The following PSD3 variants were observed in gnomAD, a reference collection of about 807,000 sequenced individuals.
PSD3 encodes the protein PH and SEC7 domain-containing protein 3.
In PSD3, 49 loss-of-function variants were observed where a neutral mutation model predicts 105.5. The observed-to-expected ratio is 0.46, with a 90% confidence interval of 0.37 to 0.59. The LOEUF (loss-of-function observed/expected upper bound fraction) is 0.59. PSD3 is among the 20% of genes least tolerant of loss of function. The pLI is 0.00. For synonymous variants in PSD3, 557 were observed against 457.8 expected, an observed-to-expected ratio of 1.22 and a Z score of -2.77; for missense variants, 1,561 against 1,263.8, an observed-to-expected ratio of 1.24 and a Z score of -3.57.
intron 1 of PSD3, among the ~76,000 whole-genome samples, chr8:19,080,619 G>T (rs567334924): frequency 6.6e-6 from 1 of 152,246 alleles, no homozygotes; most frequent in South Asian, 2.1e-4. Context: ...CCCCTGGCTG[G>T]CTCCTTGCCT....
chr8:18,957,086 A>T (rs939384205), intron 1 of PSD3, among the ~76,000 whole-genome samples: 4 of 151,978 alleles, frequency 2.6e-5, no homozygotes, highest in African/African-American at 9.7e-5. Context: ...AAGAGTAAAC[A>T]ATCGGCTGGG....
At chr8:18,536,097 T>C in intron 15 of PSD3, 139 bp from the exon 16 acceptor site, 1 of 777,576 alleles carries the variant, frequency 1.3e-6, no homozygotes, top group South Asian at 1.7e-5. Flanking sequence ...GACAAATTAC[T>C]TGGGCACTTA....
intron 9 of PSD3, among the ~76,000 whole-genome samples, chr8:18,727,797 G>A (rs552953222): frequency 6.6e-6 from 1 of 152,074 alleles, no homozygotes; most frequent in Non-Finnish European, 1.5e-5. Context: ...ACTCTCCCAA[G>A]TAAAATTATG....
intron 1 of PSD3, among the ~76,000 whole-genome samples, chr8:18,937,670 T>C (rs1179834757): frequency 1.3e-5 from 2 of 152,234 alleles, no homozygotes; most frequent in African/African-American, 2.4e-5. Context: ...ATACTCCTCT[T>C]GGTGTTACGT....
chr8:19,010,517 G>C (rs1399789634), intron 1 of PSD3, among the ~76,000 whole-genome samples: 1 of 152,174 alleles, frequency 6.6e-6, no homozygotes, highest in Non-Finnish European at 1.5e-5. Context: ...AGAATAACTT[G>C]TTAACTATAT....
chr8:18,618,989 ATATCCTCT>A (rs1669908157), intron 11 of PSD3, among the ~76,000 whole-genome samples: 3 of 152,266 alleles, frequency 2.0e-5, no homozygotes, highest in African/African-American at 7.2e-5. Context: ...GTAACAAGGC[ATATCCTCT>A]ATCTCTACTC....
At chr8:18,819,572 T>A (rs958118806) in intron 4 of PSD3, among the ~76,000 whole-genome samples, 1 of 137,792 alleles carries the variant, frequency 7.3e-6, no homozygotes, top group Admixed American at 7.5e-5. Flanking sequence ...AAAATTAGAA[T>A]GGATTTTTTT....
chr8:18,733,542 A>G (rs1358756702), intron 9 of PSD3: 2 of 152,678 alleles, frequency 1.3e-5, no homozygotes, highest in Non-Finnish European at 2.9e-5. Context: ...TTTGCCCAGC[A>G]AAGTGGAGAT....
intron 9 of PSD3, among the ~76,000 whole-genome samples, chr8:18,717,527 T>TA (rs931500268): frequency 4.2e-4 from 64 of 151,234 alleles, no homozygotes; most frequent in African/African-American, 1.4e-3. Flanking sequence ...TTGCTCCAGT[T>TA]AAAAAAAAAC....
At chr8:18,951,926 A>C (rs1328373170) in intron 1 of PSD3, among the ~76,000 whole-genome samples, 1 of 152,092 alleles carries the variant, frequency 6.6e-6, no homozygotes. Context: ...CCCAGATCAC[A>C]CCAGTGCACC....
intron 9 of PSD3, among the ~76,000 whole-genome samples, chr8:18,719,878 A>G (rs1341988414): frequency 2.0e-5 from 3 of 152,186 alleles, no homozygotes; most frequent in Non-Finnish European, 4.4e-5. Context: ...TTTTTAGACA[A>G]TAGTTCTTTT....
intron 11 of PSD3, among the ~76,000 whole-genome samples, chr8:18,620,391 G>C (rs149508500): frequency 2.0e-5 from 3 of 146,728 alleles, no homozygotes; most frequent in Non-Finnish European, 4.5e-5. Flanking sequence ...CATTGGCTCA[G>C]AATAAACCTC....
intron 9 of PSD3, among the ~76,000 whole-genome samples, chr8:18,745,863 T>C (rs1169185369): frequency 6.6e-6 from 1 of 152,232 alleles, no homozygotes; most frequent in African/African-American, 2.4e-5. Context: ...TCCTTATTCA[T>C]AATTTCTTTC....
At chr8:18,966,463 C>G (rs1027908381) in intron 1 of PSD3, among the ~76,000 whole-genome samples, 1 of 151,592 alleles carries the variant, frequency 6.6e-6, no homozygotes, top group African/African-American at 2.4e-5. Flanking sequence ...CCCAACTACT[C>G]GCAAGGCTGA....
intron 1 of PSD3, among the ~76,000 whole-genome samples, chr8:18,955,494 C>T (rs1823511384): frequency 6.6e-6 from 1 of 152,160 alleles, no homozygotes; most frequent in Non-Finnish European, 1.5e-5. Context: ...AAAGTTTATG[C>T]ATAACAATTA....
Position 19,058,013 on chromosome 8 carries a change from T to C in PSD3, c.324+26193A>G, listed in dbSNP as rs1320901796. The stretch of plus-strand genomic sequence containing the variant: ...CCACTTACAGCCCCTCTATTCATAA[T>C]CACCAAAACTTGAAAACAACTAACA... On this transcript the variant is annotated intron_variant, in intron 1 of 1. Transcript: ENST00000521475. Among the ~76,000 whole-genome samples the C allele has an allele frequency of 3.9e-5, 6 of 152,194 alleles. No homozygotes were observed. In the East Asian group the frequency reaches 1.2e-3, roughly 29 times the overall value.
At position 18,823,858 on chromosome 8, in the gene PSD3, C is replaced by A. The variant is rs570819527; in HGVS notation, c.1635-18960G>T. ...AGTGTTTCCTAATACGCTGACAAGG[C>A]GGCCTAGAAAGCACTATAAACTTAG... On this transcript the variant is annotated intron_variant, in intron 4 of 15. Transcript: ENST00000327040. Among the ~76,000 whole-genome samples the A allele has an allele frequency of 2.0e-5, 3 of 151,872 alleles. No individual in the cohort carries two copies. In the South Asian group the frequency reaches 6.2e-4, roughly 32 times the overall value.
intron 1 of PSD3, among the ~76,000 whole-genome samples, chr8:18,957,369 CA>C (rs58128598): frequency 0.82 from 112,692 of 137,584 alleles, 45,699 homozygotes; most frequent in Middle Eastern, 0.94. Context: ...GACTCCGTCT[CA>C]AAAAAAAAAA....
At chr8:18,957,192 G>A (rs1245239825) in intron 1 of PSD3, among the ~76,000 whole-genome samples, 1 of 151,934 alleles carries the variant, frequency 6.6e-6, no homozygotes, top group Admixed American at 6.6e-5. Context: ...CCAACACAGT[G>A]AAACCCCATC....
Sources: gnomAD v4.1 joint callset for allele counts (sites outside exome capture counted in the v4.1 genomes callset) on GRCh38, gnomAD v4.1.1 for gene constraint, MANE v1.5 for transcripts, NCBI Gene and HGNC (gene_info 2026-07-23, HGNC 2026-07-21) for gene names.